Variants in SMYD3 observed in about 807,000 individuals in gnomAD.
SMYD3 encodes the protein SET and MYND domain containing 3.
Under a neutral mutation model 57.7 loss-of-function variants are expected in SMYD3, and 36 were observed. The ratio of observed to expected loss-of-function variants is 0.62; its 90% CI spans 0.48 to 0.82. SMYD3 has a LOEUF of 0.82. SMYD3 is among the 40% of genes least tolerant of loss of function. SMYD3 has a pLI of 0.00. For missense variants in SMYD3, 515 were observed against 538.8 expected, an observed-to-expected ratio of 0.96 and a Z score of 0.44; for synonymous variants, 211 against 195.0, an observed-to-expected ratio of 1.08 and a Z score of -0.68.
Position 246,225,321 on chromosome 1 carries a change from C to CAAAAA in SMYD3, c.531+101875_531+101879dup, listed in dbSNP as rs60915002. Among the ~76,000 whole-genome samples the CAAAAA allele has an allele frequency of 2.2e-4, 17 of 76,298 alleles. 1 individual carries two copies. The highest frequency in any genetic ancestry group is 3.3e-4 in the Non-Finnish European group (11 of 33,452). 50.1% of individuals were successfully genotyped at this position (76,298 alleles called of 152,430 possible). On this transcript the variant is annotated intron_variant, in intron 5 of 11. Transcript: ENST00000490107. ...GTTATGTGGAAGACTGCTGAAAAGTCAAAAAAAAAAAAAAAAAAAAAAAAA... is the reference window on the plus strand; with the variant it reads ...GTTATGTGGAAGACTGCTGAAAAGTCAAAAAAAAAAAAAAAAAAAAAAAAAAAAAA...
chr1:246,235,228 A>G (rs1016819397), intron 5 of SMYD3, among the ~76,000 whole-genome samples: 1 of 152,216 alleles, frequency 6.6e-6, no homozygotes, highest in Non-Finnish European at 1.5e-5. Context: ...CTGTAACTGG[A>G]AAGTGTCATA....
chr1:245,925,585 C>A (rs1274794506), intron 7 of SMYD3, among the ~76,000 whole-genome samples: 1 of 152,110 alleles, frequency 6.6e-6, no homozygotes, highest in Non-Finnish European at 1.5e-5. Context: ...TGCAACAATC[C>A]CACACGATGA....
chr1:246,240,375 A>G (rs1326744217), intron 5 of SMYD3, among the ~76,000 whole-genome samples: 3 of 152,124 alleles, frequency 2.0e-5, no homozygotes, highest in African/African-American at 7.2e-5. Flanking sequence ...TGTTTTTGTC[A>G]GGTGTGTCAA....
At chr1:246,448,300 C>T (rs910210324) in intron 1 of SMYD3, among the ~76,000 whole-genome samples, 1 of 152,194 alleles carries the variant, frequency 6.6e-6, no homozygotes, top group Admixed American at 6.5e-5. Context: ...CTTTGAGAAC[C>T]AACGCACAGA....
At chr1:246,418,863 C>CCCGTGA (rs1315203213) in intron 1 of SMYD3, among the ~76,000 whole-genome samples, 1 of 152,118 alleles carries the variant, frequency 6.6e-6, no homozygotes. Context: ...CATCATATCC[C>CCCGTGA]CCGTGACCTG....
At chr1:246,244,333 C>A (rs991087787) in intron 5 of SMYD3, among the ~76,000 whole-genome samples, 21 of 152,054 alleles carry the variant, frequency 1.4e-4, no homozygotes, top group African/African-American at 5.1e-4. Flanking sequence ...CTTTTCCATT[C>A]TGAAATGCTG....
chr1:246,427,498 C>T (rs1484318236), intron 1 of SMYD3, among the ~76,000 whole-genome samples: 2 of 139,486 alleles, frequency 1.4e-5, no homozygotes, highest in Non-Finnish European at 3.0e-5. Context: ...CCAGCCTGGG[C>T]GACAGAGCGA....
intron 11 of SMYD3, among the ~76,000 whole-genome samples, chr1:245,757,162 T>A (rs2148024952): frequency 6.6e-6 from 1 of 152,224 alleles, no homozygotes; most frequent in East Asian, 1.9e-4. Context: ...CTTCACACTC[T>A]GGTAACCACT....
chr1:246,222,545 A>G (rs2063272980), intron 5 of SMYD3, among the ~76,000 whole-genome samples: 1 of 152,178 alleles, frequency 6.6e-6, no homozygotes, highest in Non-Finnish European at 1.5e-5. Context: ...TATAAAATAT[A>G]TAAAAGTTAT....
intron 1 of SMYD3, among the ~76,000 whole-genome samples, chr1:246,460,300 G>A (rs1398644243): frequency 6.6e-6 from 1 of 152,118 alleles, no homozygotes; most frequent in Non-Finnish European, 1.5e-5. Flanking sequence ...CTGAGCACCT[G>A]CTCTAGCACT....
At chr1:245,981,779 T>A (rs1482870046) in intron 5 of SMYD3, among the ~76,000 whole-genome samples, 1 of 152,282 alleles carries the variant, frequency 6.6e-6, no homozygotes, top group African/African-American at 2.4e-5. Flanking sequence ...TGGTTAGAGT[T>A]AAGTAAGAAG....
intron 1 of SMYD3, among the ~76,000 whole-genome samples, chr1:246,417,114 TCAGTTTCCAAA>T (rs1017331122): frequency 7.2e-5 from 11 of 152,130 alleles, no homozygotes; most frequent in African/African-American, 2.7e-4. Context: ...TGGGTCCCAT[TCAGTTTCCAAA>T]GAGAACCATT....
chr1:245,867,688 A>T (rs1558439120), intron 8 of SMYD3, among the ~76,000 whole-genome samples: 1 of 149,504 alleles, frequency 6.7e-6, no homozygotes, highest in African/African-American at 2.4e-5. Flanking sequence ...ACACACACAC[A>T]CTCACACACA....
At chr1:246,239,741 C>T (rs181197680) in intron 5 of SMYD3, among the ~76,000 whole-genome samples, 1 of 152,090 alleles carries the variant, frequency 6.6e-6, no homozygotes, top group Non-Finnish European at 1.5e-5. Context: ...TCCACATCTT[C>T]TCCAGCACCT....
chr1:246,389,996 G>A (rs1302200979), intron 1 of SMYD3, among the ~76,000 whole-genome samples: 4 of 152,090 alleles, frequency 2.6e-5, no homozygotes, highest in Admixed American at 1.3e-4. Context: ...GGGCAGATCT[G>A]CTGCGGGATG....
chr1:246,471,691 T>C (rs1054201587), intron 1 of SMYD3, among the ~76,000 whole-genome samples: 3 of 152,242 alleles, frequency 2.0e-5, no homozygotes, highest in Non-Finnish European at 2.9e-5. Context: ...ACTGTTCCAC[T>C]CGGATTTCAT....
At chr1:246,162,646 GAA>G (rs2062141764) in intron 5 of SMYD3, among the ~76,000 whole-genome samples, 1 of 152,110 alleles carries the variant, frequency 6.6e-6, no homozygotes, top group South Asian at 2.1e-4. Flanking sequence ...GCAAAAATCT[GAA>G]ACTTATATTT....
At chr1:245,834,899 A>G (rs1168091057) in intron 10 of SMYD3, among the ~76,000 whole-genome samples, 1 of 152,188 alleles carries the variant, frequency 6.6e-6, no homozygotes, top group African/African-American at 2.4e-5. Flanking sequence ...CAAATCAACA[A>G]TTCATATAGT....
intron 5 of SMYD3, among the ~76,000 whole-genome samples, chr1:246,077,037 G>T (rs2788011): frequency 0.37 from 56,667 of 151,926 alleles, 13,406 homozygotes; most frequent in African/African-American, 0.67. Context: ...GCTGGGGGTG[G>T]GGAACCAGAA....
Sources: allele counts gnomAD v4.1 joint callset (sites outside exome capture counted in the v4.1 genomes callset), GRCh38; gene constraint gnomAD v4.1.1; transcripts MANE v1.5; gene names NCBI Gene and HGNC (gene_info 2026-07-23, HGNC 2026-07-21).